Variants in GRIP1 observed in about 807,000 individuals in gnomAD.
GRIP1 encodes glutamate receptor interacting protein 1, also known as glutamate receptor-interacting protein 1.
In GRIP1, 45 loss-of-function variants were observed where a neutral mutation model predicts 129.9. That is an observed-to-expected ratio of 0.35 (90% CI 0.27 to 0.44). The LOEUF is 0.44. Among genes scored for constraint, GRIP1 ranks in the 20% least tolerant of loss-of-function variants. GRIP1 has a pLI of 1.00. For synonymous variants in GRIP1, 530 were observed against 520.8 expected, an observed-to-expected ratio of 1.02 and a Z score of -0.24; for missense variants, 1,196 against 1,396.8, an observed-to-expected ratio of 0.86 and a Z score of 2.29.
chr12:66,353,668 T>C, intron 23 of GRIP1, 105 bp from the exon 24 acceptor site: 1 of 1,009,052 alleles, frequency 9.9e-7, no homozygotes, highest in Admixed American at 1.7e-5. Context: ...CACATCATGA[T>C]TTGTAATATC....
intron 9 of GRIP1, among the ~76,000 whole-genome samples, chr12:66,457,424 C>T (rs1156637308): frequency 6.6e-6 from 1 of 152,280 alleles, no homozygotes; most frequent in South Asian, 2.1e-4. Flanking sequence ...CACGCCACCA[C>T]ACCCAGCTAA....
chr12:66,785,585 C>G (rs1184284998), intron 1 of GRIP1, among the ~76,000 whole-genome samples: 1 of 151,734 alleles, frequency 6.6e-6, no homozygotes, highest in African/African-American at 2.4e-5. Context: ...CAAAATGTGT[C>G]CTTTTATTTA....
chr12:66,515,673 T>G lies in GRIP1; in HGVS notation c.670A>C (p.Lys224Gln), dbSNP rs2138927263. 1 of 1,613,562 alleles carries G rather than the reference T, an allele frequency of 6.2e-7. No individual in the cohort carries two copies. Among genetic ancestry groups the G allele is most frequent in the East Asian group, 2.2e-5 (1 of 44,882 alleles). ...AGTGCTGCTTCTTGTCCACATTGTT[T>G]AAGAATACTCATGGCTTCAGCATGC... ...TTHAEAMSIL[K>Q]QCGQEAALLI... Residue 224 changes from lysine (K) to glutamine (Q), a missense_variant, in exon 7 of 25, where the codon AAA becomes CAA. Transcript: ENST00000359742.
At chr12:66,815,767 CCAAACAAA>C (rs71069020) in intron 1 of GRIP1, among the ~76,000 whole-genome samples, 1 of 150,956 alleles carries the variant, frequency 6.6e-6, no homozygotes, top group Non-Finnish European at 1.5e-5. Context: ...CCGACTCAAA[CCAAACAAA>C]CAAACAAACA....
At chr12:66,877,306 T>C (rs1258997248) in intron 1 of GRIP1, among the ~76,000 whole-genome samples, 1 of 152,118 alleles carries the variant, frequency 6.6e-6, no homozygotes, top group Non-Finnish European at 1.5e-5. Flanking sequence ...TATATATCTT[T>C]TGTATTTCAG....
chr12:66,953,531 T>C (rs113826496), intron 1 of GRIP1, among the ~76,000 whole-genome samples: 1 of 152,102 alleles, frequency 6.6e-6, no homozygotes, highest in East Asian at 1.9e-4. Flanking sequence ...TAAATCACAA[T>C]GCTCACAACG....
chr12:66,519,794 A>C (rs1440418701), intron 5 of GRIP1, among the ~76,000 whole-genome samples: 2 of 152,248 alleles, frequency 1.3e-5, no homozygotes, highest in African/African-American at 4.8e-5. Flanking sequence ...ATCAAGCAGC[A>C]TATGTTAAAT....
At chr12:67,016,400 A>G (rs543968637) in intron 1 of GRIP1, among the ~76,000 whole-genome samples, 3 of 152,132 alleles carry the variant, frequency 2.0e-5, no homozygotes, top group Admixed American at 2.0e-4. Flanking sequence ...AATAAATAAG[A>G]CCCTTTATTC....
At position 66,778,199 on chromosome 12, in the gene GRIP1, T is replaced by A. The variant is rs553444360; in HGVS notation, c.-420+25854A>T. On this transcript the variant is annotated intron_variant, in intron 1 of 4. Transcript: ENST00000538373. ...CTACAGTAGAATATACAATCATATA[T>A]GCAGCTTGAATTTGTGATTTGTATT... is the stretch of plus-strand genomic sequence containing the variant. Among the ~76,000 whole-genome samples, 7 of 152,276 alleles carry A rather than the reference T, an allele frequency of 4.6e-5. No individual in the cohort carries two copies. In the South Asian group the frequency reaches 8.3e-4, roughly 18 times the overall value.
intron 1 of GRIP1, among the ~76,000 whole-genome samples, chr12:66,828,489 A>G (rs1324509363): frequency 1.3e-5 from 2 of 152,222 alleles, no homozygotes; most frequent in African/African-American, 4.8e-5. Context: ...TTACATTTTC[A>G]AAACACATTT....
At chr12:66,448,558 A>G (rs1174743898) in intron 11 of GRIP1, among the ~76,000 whole-genome samples, 3 of 152,112 alleles carry the variant, frequency 2.0e-5, no homozygotes, top group Non-Finnish European at 4.4e-5. Flanking sequence ...TTTACTCTGC[A>G]TGTATCTTCT....
At chr12:67,023,005 G>A (rs2042890593) in intron 1 of GRIP1, among the ~76,000 whole-genome samples, 1 of 151,756 alleles carries the variant, frequency 6.6e-6, no homozygotes, top group Non-Finnish European at 1.5e-5. Flanking sequence ...TTAAAATTTT[G>A]GTTTATTTAT....
intron 14 of GRIP1, among the ~76,000 whole-genome samples, chr12:66,422,610 T>G (rs563880909): frequency 9.2e-5 from 14 of 152,288 alleles, no homozygotes; most frequent in Non-Finnish European, 1.9e-4. Context: ...TCCACTGAAA[T>G]GGTCTGTAAA....
intron 2 of GRIP1, among the ~76,000 whole-genome samples, chr12:66,577,172 C>A (rs144875987): frequency 3.0e-4 from 45 of 152,202 alleles, no homozygotes; most frequent in African/African-American, 1.1e-3. Context: ...GCAACTCAAG[C>A]AAGAGATGAT....
chr12:66,859,295 AAAAAC>A lies in GRIP1; in HGVS notation c.58+209750_58+209754del, dbSNP rs1315970042. ...AAAAAACAAAAAAACAAAAAAACAAAAAAACAAAAAAAAACCAGTATTAGCCATCA... is the reference window on the plus strand; with the variant it reads ...AAAAAACAAAAAAACAAAAAAACAAAAAAAAAAAACCAGTATTAGCCATCA... On this transcript the variant is annotated intron_variant, in intron 1 of 1. Coordinates refer to the GRIP1 transcript ENST00000643019. Among the ~76,000 whole-genome samples, 27 of 13,080 alleles carry A rather than the reference AAAAAC, an allele frequency of 2.1e-3. 2 individuals are homozygous for A. The highest frequency in any genetic ancestry group is 8.3e-3 in the Non-Finnish European group (18 of 2,176). The allele number at this position is 13,080 out of a possible 152,430, so 8.6% of individuals were successfully genotyped here. A position where few individuals can be genotyped will look rare whatever the true frequency, so the allele number is the denominator to read the frequency against.
intron 1 of GRIP1, among the ~76,000 whole-genome samples, chr12:66,744,465 T>G (rs965875094): frequency 2.0e-5 from 3 of 152,170 alleles, no homozygotes; most frequent in African/African-American, 7.2e-5. Flanking sequence ...TCTCCATGAA[T>G]CCTCAGCTAG....
At chr12:66,729,310 G>A (rs2036355423) in intron 1 of GRIP1, among the ~76,000 whole-genome samples, 1 of 152,010 alleles carries the variant, frequency 6.6e-6, no homozygotes, top group South Asian at 2.1e-4. Context: ...AAACCATACT[G>A]ACATTAATAT....
At chr12:66,923,340 G>A (rs142811891) in intron 1 of GRIP1, among the ~76,000 whole-genome samples, 20 of 152,180 alleles carry the variant, frequency 1.3e-4, no homozygotes, top group Non-Finnish European at 2.8e-4. Flanking sequence ...GTGAGACCCT[G>A]TCTCAAAAAC....
intron 1 of GRIP1, chr12:66,892,072 C>T (rs1181501574): frequency 6.5e-6 from 1 of 152,696 alleles, no homozygotes; most frequent in African/African-American, 2.4e-5. Context: ...GGAAGTAGCA[C>T]CCACACTTGC....
Sources: gnomAD v4.1 joint callset for allele counts (sites outside exome capture counted in the v4.1 genomes callset) on GRCh38, gnomAD v4.1.1 for gene constraint, MANE v1.5 for transcripts, NCBI Gene and HGNC (gene_info 2026-07-23, HGNC 2026-07-21) for gene names.